Variants in PLCG2 observed in about 807,000 individuals in gnomAD.
The protein encoded by PLCG2 is 1-phosphatidylinositol 4,5-bisphosphate phosphodiesterase gamma-2.
PLCG2 carries 69 observed loss-of-function variants against 175.6 expected under a neutral mutation model. That is an observed-to-expected ratio of 0.39 (90% CI 0.32 to 0.48). The LOEUF (loss-of-function observed/expected upper bound fraction) is 0.48. Ranked by LOEUF, PLCG2 falls within the 20% of genes least tolerant of loss-of-function variation. The pLI is 0.91. For synonymous variants in PLCG2, 827 were observed against 624.0 expected, an observed-to-expected ratio of 1.33 and a Z score of -4.85; for missense variants, 1,798 against 1,650.9, an observed-to-expected ratio of 1.09 and a Z score of -1.54.
intron 30 of PLCG2, among the ~76,000 whole-genome samples, chr16:81,944,336 CTT>C (rs1389939010): frequency 2.7e-5 from 4 of 150,940 alleles, no homozygotes; most frequent in Non-Finnish European, 5.9e-5. Flanking sequence ...CATATGCAGA[CTT>C]TTTTCTTATT....
intron 2 of PLCG2, among the ~76,000 whole-genome samples, chr16:81,771,662 G>A (rs1043340118): frequency 5.9e-5 from 9 of 151,890 alleles, no homozygotes; most frequent in Admixed American, 3.9e-4. Context: ...ACAGTGGGTT[G>A]AATTGTGACC....
At position 81,793,206 on chromosome 16, in the gene PLCG2, C is replaced by T. The variant is rs188385260; in HGVS notation, c.193+7024C>T. Among the ~76,000 whole-genome samples the T allele has an allele frequency of 2.1e-3, 320 of 152,308 alleles. 1 individual carries two copies. Among genetic ancestry groups the T allele is most frequent in the African/African-American group, 7.4e-3 (306 of 41,558 alleles). On this transcript the variant is annotated intron_variant, in intron 2 of 32. Coordinates refer to ENST00000564138, the MANE Select transcript of PLCG2 (RefSeq NM_002661.5). ...GGATAAGATGGTGCTGGGATTCCTT[C>T]CATCCCCAGCCTTCTGCATAGAGTT...
chr16:81,953,264 C>A (rs74029317), intron 31 of PLCG2, among the ~76,000 whole-genome samples: 1 of 152,046 alleles, frequency 6.6e-6, no homozygotes, highest in African/African-American at 2.4e-5. Flanking sequence ...GGTGGAAAAC[C>A]CAGTGAAATA....
chr16:81,808,933 G>A (rs1015747213), intron 2 of PLCG2, among the ~76,000 whole-genome samples: 3 of 152,208 alleles, frequency 2.0e-5, no homozygotes, highest in Non-Finnish European at 4.4e-5. Flanking sequence ...GTAGTTTGTG[G>A]CCTATTGGAC....
At chr16:81,763,371 TG>T (rs1910079527) in intron 2 of PLCG2, among the ~76,000 whole-genome samples, 1 of 152,238 alleles carries the variant, frequency 6.6e-6, no homozygotes, top group Admixed American at 6.5e-5. Context: ...GTCGGGTATT[TG>T]GGAGTGGCTG....
At chr16:81,767,753 T>G (rs1397016347) in intron 2 of PLCG2, 2 of 152,202 alleles carry the variant, frequency 1.3e-5, no homozygotes, top group African/African-American at 4.8e-5. Flanking sequence ...TATGCTCTTT[T>G]GTATCCAACA....
chr16:81,826,855 T>C (rs1208240655), intron 2 of PLCG2, among the ~76,000 whole-genome samples: 1 of 152,168 alleles, frequency 6.6e-6, no homozygotes, highest in Non-Finnish European at 1.5e-5. Context: ...TTTTGAGTAA[T>C]TGCTGGGTTT....
At position 81,962,548 on chromosome 16, in the gene PLCG2, T is replaced by C. The variant is rs963942913; in HGVS notation, c.*4550T>C. ...TTGTGTTTCATTATTAAAGCTTAAT[T>C]TATTTTTTATATAAATAGTATGTGC... On this transcript the variant is annotated 3_prime_UTR_variant, in exon 33 of 33. Coordinates refer to ENST00000564138, the MANE Select transcript of PLCG2 (RefSeq NM_002661.5). 59 of 218,676 alleles carry C rather than the reference T, an allele frequency of 2.7e-4. No homozygotes were observed. The highest frequency in any genetic ancestry group is 3.7e-4 in the South Asian group (2 of 5,412). The allele number at this position is 218,676 out of a possible 1,614,324, so 13.5% of individuals were successfully genotyped here. A position where few individuals can be genotyped will look rare whatever the true frequency, so the allele number is the denominator to read the frequency against.
intron 1 of PLCG2, among the ~76,000 whole-genome samples, chr16:81,742,154 CGGG>C (rs55847562): frequency 1.8e-5 from 2 of 111,554 alleles, no homozygotes; most frequent in East Asian, 2.1e-4. Context: ...ATTGTGGGGG[CGGG>C]GGGGGGGGCG....
rs116593049 is a variant in PLCG2 at position 81,890,436 on chromosome 16, C to T, written c.868-1036C>T. On this transcript the variant is annotated intron_variant, in intron 10 of 32. Coordinates refer to ENST00000564138, the MANE Select transcript of PLCG2 (RefSeq NM_002661.5). ...GGTTGGTTAGATCAGATCTGTTTCA[C>T]TGTCATAATTTTCTTGTTGTTCTGA... 2.3e-3 allele frequency among the ~76,000 whole-genome samples: 348 copies of T among 152,344 alleles called. 2 individuals are homozygous for T. The highest frequency in any genetic ancestry group is 7.8e-3 in the African/African-American group (325 of 41,578).
At chr16:81,893,538 G>A (rs1343836329) in intron 11 of PLCG2, among the ~76,000 whole-genome samples, 171 bp from the exon 12 acceptor site, 2 of 152,186 alleles carry the variant, frequency 1.3e-5, no homozygotes, top group African/African-American at 4.8e-5. Flanking sequence ...TGTGACCGTG[G>A]GATTGTGTAT....
intron 2 of PLCG2, among the ~76,000 whole-genome samples, chr16:81,791,153 GA>G (rs1911214168): frequency 1.3e-5 from 2 of 152,200 alleles, no homozygotes; most frequent in African/African-American, 4.8e-5. Context: ...GCAAGAGGGG[GA>G]GACAGACTCA....
intron 2 of PLCG2, 25 bp from the exon 3 acceptor site, chr16:81,854,419 T>G (rs1488196352): frequency 1.2e-6 from 2 of 1,611,384 alleles, no homozygotes; most frequent in Non-Finnish European, 8.5e-7. Context: ...CAGCTTCTAA[T>G]TGGCTCATGT....
intron 5 of PLCG2, among the ~76,000 whole-genome samples, chr16:81,861,269 G>A (rs11643875): frequency 0.24 from 36,603 of 152,046 alleles, 4,840 homozygotes; most frequent in East Asian, 0.53. Context: ...CATTATCCTA[G>A]TTAATATCCA....
intron 2 of PLCG2, among the ~76,000 whole-genome samples, chr16:81,809,302 C>T (rs1268200076): frequency 2.6e-5 from 4 of 152,136 alleles, no homozygotes; most frequent in Admixed American, 2.6e-4. Flanking sequence ...GTGTTAGTGC[C>T]TCCAGGGGTG....
chr16:81,867,237 G>A (rs1175944790), intron 5 of PLCG2, among the ~76,000 whole-genome samples: 1 of 152,218 alleles, frequency 6.6e-6, no homozygotes, highest in Non-Finnish European at 1.5e-5. Context: ...GGATGGTACA[G>A]GGAAACTAGG....
At chr16:81,788,438 G>A (rs919729398) in intron 2 of PLCG2, among the ~76,000 whole-genome samples, 4 of 152,012 alleles carry the variant, frequency 2.6e-5, no homozygotes, top group East Asian at 1.9e-4. Flanking sequence ...CCGCCACCAC[G>A]CCCGGCTAAT....
At chr16:81,894,415 C>T (rs569046951) in intron 12 of PLCG2, among the ~76,000 whole-genome samples, 12 of 150,090 alleles carry the variant, frequency 8.0e-5, no homozygotes, top group East Asian at 4.0e-4. Context: ...GGCAACAGAG[C>T]GAGACTCTGT....
intron 14 of PLCG2, among the ~76,000 whole-genome samples, chr16:81,903,052 C>T (rs964256269): frequency 6.6e-6 from 1 of 152,178 alleles, no homozygotes; most frequent in African/African-American, 2.4e-5. Context: ...GGTGGGGACA[C>T]AGCCAAACCA....
Sources: allele counts gnomAD v4.1 joint callset (sites outside exome capture counted in the v4.1 genomes callset), GRCh38; gene constraint gnomAD v4.1.1; transcripts MANE v1.5; gene names NCBI Gene and HGNC (gene_info 2026-07-23, HGNC 2026-07-21).